The following SLX4IP variants were observed in gnomAD, a reference collection of about 807,000 sequenced individuals.
SLX4IP encodes protein SLX4IP.
A neutral mutation model predicts 32.9 loss-of-function variants in SLX4IP; 34 were observed. The ratio of observed to expected loss-of-function variants is 1.03; its 90% confidence interval spans 0.79 to 1.38. SLX4IP has a LOEUF of 1.38. SLX4IP is among the 40% of genes most tolerant of loss of function. The probability of loss-of-function intolerance (pLI) is 0.00; values close to 1 mark genes in which losing one functional copy is unlikely to be tolerated. For synonymous variants in SLX4IP, 172 were observed against 171.7 expected (o/e 1.00, Z -0.01); for missense variants, 444 against 479.0 (o/e 0.93, Z 0.68).
chr20:10,566,472 G>A (rs893872092), intron 4 of SLX4IP, among the ~76,000 whole-genome samples: 1 of 151,946 alleles, frequency 6.6e-6, no homozygotes, highest in Non-Finnish European at 1.5e-5. Flanking sequence ...ATCATCCTTT[G>A]AGTACTAAGG....
At chr20:10,501,034 A>G (rs2065713553) in intron 2 of SLX4IP, among the ~76,000 whole-genome samples, 2 of 152,162 alleles carry the variant, frequency 1.3e-5, no homozygotes, top group African/African-American at 4.8e-5. Flanking sequence ...TTCCTTCCCC[A>G]CTGCCATGGT....
chr20:10,503,358 T>G (rs1188720748), intron 2 of SLX4IP, among the ~76,000 whole-genome samples: 2 of 152,176 alleles, frequency 1.3e-5, no homozygotes, highest in Non-Finnish European at 2.9e-5. Flanking sequence ...GTGGCTGGGT[T>G]GGATGGACCA....
intron 2 of SLX4IP, among the ~76,000 whole-genome samples, chr20:10,521,034 A>G (rs944570595): frequency 2.6e-5 from 4 of 152,148 alleles, no homozygotes; most frequent in Non-Finnish European, 5.9e-5. Context: ...AGAAATTCCT[A>G]TTGTGTTTTC....
chr20:10,592,369 G>C (rs1277434384), intron 4 of SLX4IP, among the ~76,000 whole-genome samples: 1 of 151,342 alleles, frequency 6.6e-6, no homozygotes, highest in African/African-American at 2.4e-5. Flanking sequence ...ACCAGCAATA[G>C]AGGAGGTCAC....
intron 1 of SLX4IP, among the ~76,000 whole-genome samples, chr20:10,446,342 G>T (rs986252496): frequency 2.6e-5 from 4 of 151,152 alleles, no homozygotes; most frequent in Non-Finnish European, 5.9e-5. Flanking sequence ...AACTCGGAGG[G>T]CAGAGGTTGC....
At chr20:10,512,260 G>A (rs2065813635) in intron 2 of SLX4IP, among the ~76,000 whole-genome samples, 1 of 152,248 alleles carries the variant, frequency 6.6e-6, no homozygotes, top group East Asian at 1.9e-4. Flanking sequence ...ACTTAATGGG[G>A]TTTTTCTTGA....
chr20:10,476,047 C>T (rs1053315809), intron 2 of SLX4IP, among the ~76,000 whole-genome samples: 3 of 152,028 alleles, frequency 2.0e-5, no homozygotes, highest in East Asian at 3.9e-4. Flanking sequence ...CTGGGGATGA[C>T]GATGGTCATA....
chr20:10,459,569 A>G (rs1202878665), intron 2 of SLX4IP, among the ~76,000 whole-genome samples: 1 of 152,246 alleles, frequency 6.6e-6, no homozygotes, highest in Admixed American at 6.5e-5. Flanking sequence ...GTTAAAAACT[A>G]TCATTCATAT....
At chr20:10,510,180 GAAAATGGTCAAAGC>G (rs2065794683) in intron 2 of SLX4IP, among the ~76,000 whole-genome samples, 1 of 152,176 alleles carries the variant, frequency 6.6e-6, no homozygotes, top group Non-Finnish European at 1.5e-5. Flanking sequence ...TTTAAAAGAA[GAAAATGGTCAAAGC>G]ATTTACTAGT....
chr20:10,488,641 G>C (rs1250775420), intron 2 of SLX4IP, among the ~76,000 whole-genome samples: 1 of 152,088 alleles, frequency 6.6e-6, no homozygotes, highest in Non-Finnish European at 1.5e-5. Context: ...TAACAGTATT[G>C]GGGTAGATGA....
intron 6 of SLX4IP, among the ~76,000 whole-genome samples, chr20:10,602,983 A>G (rs971033908): frequency 3.3e-5 from 5 of 152,238 alleles, no homozygotes; most frequent in Admixed American, 2.6e-4. Flanking sequence ...TCTTAAGAAT[A>G]CACATTAAAT....
intron 1 of SLX4IP, among the ~76,000 whole-genome samples, chr20:10,438,030 C>T (rs1253608342): frequency 6.6e-6 from 1 of 152,156 alleles, no homozygotes; most frequent in Non-Finnish European, 1.5e-5. Flanking sequence ...GGCACATAGT[C>T]ACAGCCATGT....
At chr20:10,452,927 C>T (rs4614989) in intron 1 of SLX4IP, among the ~76,000 whole-genome samples, 74,223 of 151,018 alleles carry the variant, frequency 0.49, 19,633 homozygotes, top group Non-Finnish European at 0.6. Flanking sequence ...ACTAAATTAC[C>T]GTCTGTATTT....
rs752827024 is a variant in SLX4IP, at chr20:10,622,682, G to A, written c.530G>A (p.Ser177Asn). The A allele has an allele frequency of 1.9e-6, 3 of 1,610,038 alleles. No homozygotes were observed. The highest frequency in any genetic ancestry group is 1.1e-5 in the South Asian group (1 of 90,964). Residue 177 changes from serine to asparagine, a missense_variant, in exon 8 of 8, where the codon AGC (serine) becomes AAC (asparagine). Coordinates refer to ENST00000334534, the MANE Select transcript of SLX4IP (RefSeq NM_001009608.3). ...KEIVKRTETK[S>N]SVTSKSQTRR... ...AGTGTGAAAAGAACTGAAACAAAAAGCAGTGTCACGAGCAAATCGCAGACC... is the reference window on the plus strand; with the variant it reads ...AGTGTGAAAAGAACTGAAACAAAAAACAGTGTCACGAGCAAATCGCAGACC...
Position 10,519,903 on chromosome 20 carries a change from A to T in SLX4IP, c.28-36328A>T, listed in dbSNP as rs149566638. 9.1e-3 allele frequency among the ~76,000 whole-genome samples: 1,380 copies of T among 152,270 alleles called. 8 individuals carry two copies. The highest frequency in any genetic ancestry group is 0.023 in the South Asian group (111 of 4,822). The stretch of plus-strand genomic sequence containing the variant: ...ATCGTCTGTCTTCTTGTTTACAGCT[A>T]TCCTAGTGGTATGAAGTTGTGTCTC... On this transcript the variant is annotated intron_variant, in intron 2 of 7. Transcript: ENST00000334534.
chr20:10,441,108 G>T (rs1292163336), intron 1 of SLX4IP, among the ~76,000 whole-genome samples: 1 of 152,148 alleles, frequency 6.6e-6, no homozygotes, highest in Non-Finnish European at 1.5e-5. Flanking sequence ...AGGTGTGGGT[G>T]CCTATGTCTG....
intron 2 of SLX4IP, among the ~76,000 whole-genome samples, chr20:10,512,984 A>G (rs2065823977): frequency 6.6e-6 from 1 of 151,578 alleles, no homozygotes; most frequent in South Asian, 2.1e-4. Context: ...ACTTTGGTTT[A>G]TGTCCTTACC....
intron 2 of SLX4IP, among the ~76,000 whole-genome samples, chr20:10,501,882 A>G (rs2065722714): frequency 6.6e-6 from 1 of 152,244 alleles, no homozygotes; most frequent in East Asian, 1.9e-4. Flanking sequence ...CAAATGTACT[A>G]CTTTTATATG....
intron 6 of SLX4IP, among the ~76,000 whole-genome samples, chr20:10,607,743 C>T (rs971757606): frequency 1.3e-5 from 2 of 151,548 alleles, no homozygotes; most frequent in African/African-American, 2.4e-5. Context: ...TGGTTAGTTT[C>T]TCTAGACTAA....
Sources: gnomAD v4.1 joint callset for allele counts (sites outside exome capture counted in the v4.1 genomes callset) on GRCh38, gnomAD v4.1.1 for gene constraint, MANE v1.5 for transcripts, NCBI Gene and HGNC (gene_info 2026-07-23, HGNC 2026-07-21) for gene names.